ZMYND11: variants seen among roughly 807,000 people sequenced by gnomAD.
ZMYND11 encodes zinc finger MYND-type containing 11, also known as zinc finger MYND domain-containing protein 11.
A neutral mutation model predicts 84.9 loss-of-function variants in ZMYND11; 9 were observed. The observed-to-expected ratio is 0.11, with a 90% CI of 0.06 to 0.18. The LOEUF (loss-of-function observed/expected upper bound fraction) is 0.18, where lower values mean the gene tolerates loss of function less well. ZMYND11 is among the 10% of genes least tolerant of loss of function. ZMYND11 has a pLI of 1.00. For synonymous variants in ZMYND11, 250 were observed against 244.1 expected (o/e 1.02, Z -0.23); for missense variants, 409 against 761.0 (o/e 0.54, Z 5.44).
At position 150,041 on chromosome 10, in the gene ZMYND11, A is replaced by G. The variant is rs533844510; in HGVS notation, c.-20+14482A>G. Among the ~76,000 whole-genome samples, 1,439 of 152,258 alleles carry G rather than the reference A, an allele frequency of 9.5e-3. 21 individuals are homozygous for G. The highest frequency in any genetic ancestry group is 0.033 in the African/African-American group (1,373 of 41,542). ...GTATTTTATTGAGGATTTTTGCATC[A>G]ATGTTCATCAGGGATATTGGTCTAA... On this transcript the variant is annotated intron_variant, in intron 1 of 14. Coordinates refer to ENST00000381604, the MANE Select transcript of ZMYND11 (RefSeq NM_001370100.5).
chr10:209,909 G>A lies in ZMYND11; in HGVS notation c.137G>A (p.Gly46Asp), dbSNP rs1274061878. 1 of 1,613,618 alleles carries A rather than the reference G, an allele frequency of 6.2e-7. No individual in the cohort carries two copies. The highest frequency in any genetic ancestry group is 8.5e-7 in the Non-Finnish European group (1 of 1,179,866). ...TTCAGGTATATGTCTCGAGTCCACG[G>A]TATGCACCCTAAAGAGACCACCCGT... is the stretch of plus-strand genomic sequence containing the variant. ...RITKYMSRVH[G>D]MHPKETTRQL... Residue 46 changes from glycine to aspartate, a missense_variant, in exon 3 of 15, where the codon GGT becomes GAT. By Grantham distance (94) the Gly-to-Asp change is moderately conservative. Transcript: ENST00000381604.
chr10:186,327 C>G (rs550459104), intron 2 of ZMYND11, among the ~76,000 whole-genome samples: 1 of 151,682 alleles, frequency 6.6e-6, no homozygotes, highest in South Asian at 2.1e-4. Context: ...CTTAACATAG[C>G]AAGACTTGGG....
At chr10:174,292 C>T (rs1554766397) in intron 1 of ZMYND11, among the ~76,000 whole-genome samples, 2 of 152,156 alleles carry the variant, frequency 1.3e-5, no homozygotes, top group African/African-American at 2.4e-5. Context: ...AGGAGGCCAA[C>T]CTGAAAAGGC....
upstream of ZMYND11, among the ~76,000 whole-genome samples, chr10:131,838 T>C (rs1439294130): frequency 4.6e-5 from 7 of 152,116 alleles, no homozygotes; most frequent in Non-Finnish European, 8.8e-5. Context: ...GAAAGTTTTT[T>C]AAAATTAAAA....
intron 2 of ZMYND11, among the ~76,000 whole-genome samples, chr10:208,894 G>C (rs2131249764): frequency 1.3e-5 from 2 of 152,276 alleles, no homozygotes; most frequent in East Asian, 3.9e-4. Flanking sequence ...CTCTGGAGAA[G>C]TCTGAGGCCA....
chr10:168,666 C>T (rs1473963145), intron 1 of ZMYND11, among the ~76,000 whole-genome samples: 3 of 152,054 alleles, frequency 2.0e-5, no homozygotes, highest in African/African-American at 7.2e-5. Flanking sequence ...AAAAGCTGAA[C>T]AAGCAAAAAT....
chr10:166,906 C>G (rs2131578584), intron 1 of ZMYND11, among the ~76,000 whole-genome samples: 1 of 152,164 alleles, frequency 6.6e-6, no homozygotes, highest in African/African-American at 2.4e-5. Flanking sequence ...GTGGAATATT[C>G]TTCAGCCATA....
intron 3 of ZMYND11, among the ~76,000 whole-genome samples, chr10:215,888 C>G (rs547017634): frequency 6.6e-6 from 1 of 152,068 alleles, no homozygotes; most frequent in Non-Finnish European, 1.5e-5. Flanking sequence ...AATTCTGTGT[C>G]TTTTGCTTTT....
At chr10:139,704 C>CTT (rs67915368) in intron 1 of ZMYND11, among the ~76,000 whole-genome samples, 5,198 of 80,156 alleles carry the variant, frequency 0.065, 48 homozygotes, top group Middle Eastern at 0.1. Flanking sequence ...ACACATGGTC[C>CTT]TTTTTTTTTT....
upstream of ZMYND11, among the ~76,000 whole-genome samples, chr10:132,797 G>C (rs1339416296): frequency 6.6e-6 from 1 of 152,144 alleles, no homozygotes; most frequent in Non-Finnish European, 1.5e-5. Context: ...GTCTGATTGG[G>C]GGCGGGAGGA....
chr10:246,636 G>C (rs1952217014), intron 10 of ZMYND11, 130 bp from the exon 11 acceptor site: 1 of 807,772 alleles, frequency 1.2e-6, no homozygotes, highest in Non-Finnish European at 2.0e-6. Flanking sequence ...AATTGCTTTT[G>C]CACCAAGCTA....
At chr10:228,357 T>G (rs1472542328) in intron 4 of ZMYND11, among the ~76,000 whole-genome samples, 8 of 152,216 alleles carry the variant, frequency 5.3e-5, no homozygotes. Flanking sequence ...TATTCGAAGT[T>G]TATCTTTTAT....
In ZMYND11 at chr10:236,824, T is replaced by C; in HGVS notation, c.439-14T>C. ...CAGATTTTGTACCTTTTTTTATTCT[T>C]TTTTTTTCAATAGAGCATTAAGAAG... On this transcript the variant is annotated splice_polypyrimidine_tract_variant and intron_variant, in intron 4 of 14. Transcript: ENST00000381604. 6.2e-7 allele frequency: 1 copy of C among 1,604,778 alleles called. No homozygotes were observed. The highest frequency in any genetic ancestry group is 8.5e-7 in the Non-Finnish European group (1 of 1,174,442).
At chr10:194,742 T>A (rs1477649231) in intron 2 of ZMYND11, among the ~76,000 whole-genome samples, 3 of 152,236 alleles carry the variant, frequency 2.0e-5, no homozygotes, top group South Asian at 4.1e-4. Context: ...CCCATTTTTT[T>A]ATGGAGTTAG....
intron 2 of ZMYND11, among the ~76,000 whole-genome samples, chr10:192,480 C>G (rs1347136213): frequency 6.6e-6 from 1 of 152,204 alleles, no homozygotes. Context: ...GCTATGGACA[C>G]TCAAGATGTC....
At chr10:249,417 G>T (rs1487019841) in intron 14 of ZMYND11, 1 of 985,178 alleles carries the variant, frequency 1.0e-6, no homozygotes, top group African/African-American at 1.7e-5. Flanking sequence ...CTTTTACCTG[G>T]TGATTTCAGA....
rs1424377951 is a variant in ZMYND11 at position 253,226 on chromosome 10, T to G, written c.*756T>G. On this transcript the variant is annotated 3_prime_UTR_variant, in exon 15 of 15. Coordinates refer to ENST00000381604, the MANE Select transcript of ZMYND11 (RefSeq NM_001370100.5). Reference sequence around the variant, plus strand: ...TTCATCTTTGTCCTAACATGAGTGCTTGTAACAAAATAAACAACAAAAACA... The same window carrying G: ...TTCATCTTTGTCCTAACATGAGTGCGTGTAACAAAATAAACAACAAAAACA... 1 of 152,660 alleles carries G rather than the reference T, an allele frequency of 6.6e-6. No homozygotes were observed. The highest frequency in any genetic ancestry group is 2.4e-5 in the African/African-American group (1 of 41,466). 9.5% of individuals were successfully genotyped at this position (152,660 alleles called of 1,614,324 possible).
At chr10:148,563 T>C (rs1362595243) in intron 1 of ZMYND11, 1 of 152,290 alleles carries the variant, frequency 6.6e-6, no homozygotes, top group Non-Finnish European at 1.5e-5. Flanking sequence ...GTTTTGAGGC[T>C]TCACAGGTAT....
intron 1 of ZMYND11, among the ~76,000 whole-genome samples, chr10:154,139 A>C (rs1320676495): frequency 6.6e-6 from 1 of 152,230 alleles, no homozygotes; most frequent in Non-Finnish European, 1.5e-5. Context: ...TATAGATGTT[A>C]CTGTAGCACT....
Sources: allele counts gnomAD v4.1 joint callset (sites outside exome capture counted in the v4.1 genomes callset), GRCh38; gene constraint gnomAD v4.1.1; transcripts MANE v1.5; gene names NCBI Gene and HGNC (gene_info 2026-07-23, HGNC 2026-07-21).